The following DEPTOR variants were observed in gnomAD, a reference collection of about 807,000 sequenced individuals.
DEPTOR encodes DEP domain-containing mTOR-interacting protein.
Under a neutral mutation model 41.6 loss-of-function variants are expected in DEPTOR, and 41 were observed. The observed-to-expected ratio is 0.98, with a 90% confidence interval of 0.77 to 1.28. DEPTOR has a LOEUF of 1.28. Ranked by LOEUF, DEPTOR falls within the 50% of genes most tolerant of loss-of-function variation. The pLI is 0.00. For synonymous variants in DEPTOR, 195 were observed against 192.3 expected (o/e 1.01, Z -0.12); for missense variants, 514 against 527.9 (o/e 0.97, Z 0.26).
At chr8:119,945,810 G>A (rs948766619) in intron 3 of DEPTOR, among the ~76,000 whole-genome samples, 9 of 152,136 alleles carry the variant, frequency 5.9e-5, no homozygotes, top group Admixed American at 6.6e-5. Context: ...AAGGCACACG[G>A]GTCAGCGTTA....
At position 120,009,020 on chromosome 8, in the gene DEPTOR, C is replaced by G. The variant is rs751818546; in HGVS notation, c.997-9C>G. 3 of 1,613,784 alleles carry G rather than the reference C, an allele frequency of 1.9e-6. No individual in the cohort carries two copies. The highest frequency in any genetic ancestry group is 2.2e-5 in the South Asian group (2 of 90,932). The stretch of plus-strand genomic sequence containing the variant: ...TCGGCTGCTTGCTAATTGTGGTTTT[C>G]CTCTCTAGATTGTTGGTGACGCGGT... On this transcript the variant is annotated splice_polypyrimidine_tract_variant and intron_variant, in intron 7 of 8. Coordinates refer to ENST00000286234, the MANE Select transcript of DEPTOR (RefSeq NM_022783.4).
intron 1 of DEPTOR, among the ~76,000 whole-genome samples, chr8:119,907,860 A>G (rs1827684629): frequency 1.3e-5 from 2 of 152,218 alleles, no homozygotes; most frequent in Admixed American, 6.5e-5. Flanking sequence ...AATATGAAAT[A>G]TATTTAGTCC....
intron 4 of DEPTOR, among the ~76,000 whole-genome samples, chr8:119,987,154 T>A (rs1363788317): frequency 1.3e-5 from 2 of 152,178 alleles, no homozygotes; most frequent in Non-Finnish European, 2.9e-5. Context: ...TGGTTTTTCC[T>A]CATCTTTGTG....
chr8:119,901,912 C>A (rs1417643159), intron 1 of DEPTOR, among the ~76,000 whole-genome samples: 1 of 151,726 alleles, frequency 6.6e-6, no homozygotes, highest in South Asian at 2.1e-4. Context: ...TTATTTATTT[C>A]TTTTTTATCC....
At chr8:119,960,189 A>G (rs1220511711) in intron 3 of DEPTOR, among the ~76,000 whole-genome samples, 1 of 151,834 alleles carries the variant, frequency 6.6e-6, no homozygotes. Context: ...ATGCCACTGC[A>G]CTCCAGCCTG....
At chr8:120,044,272 T>A (rs867496799) in intron 8 of DEPTOR, among the ~76,000 whole-genome samples, 1 of 151,962 alleles carries the variant, frequency 6.6e-6, no homozygotes, top group Non-Finnish European at 1.5e-5. Context: ...ATTACAGGCA[T>A]GCACCACCAT....
chr8:119,906,471 T>C (rs1827665393), intron 1 of DEPTOR, among the ~76,000 whole-genome samples: 2 of 151,710 alleles, frequency 1.3e-5, no homozygotes, highest in South Asian at 4.2e-4. Context: ...AAAAAAAAAA[T>C]TAAAATCCTT....
At chr8:119,890,581 G>A (rs1313092640) in intron 1 of DEPTOR, among the ~76,000 whole-genome samples, 1 of 152,180 alleles carries the variant, frequency 6.6e-6, no homozygotes, top group Non-Finnish European at 1.5e-5. Flanking sequence ...AGGATTACAG[G>A]CATGAGCCAC....
At chr8:119,902,399 G>A (rs1827606459) in intron 1 of DEPTOR, among the ~76,000 whole-genome samples, 2 of 152,112 alleles carry the variant, frequency 1.3e-5, no homozygotes, top group African/African-American at 4.8e-5. Context: ...GAGTGCAGTG[G>A]CACGATCTCA....
In DEPTOR at chr8:120,002,664, G is replaced by A. The variant is rs1812367194; in HGVS notation, c.791-313G>A. Among the ~76,000 whole-genome samples, 4 of 149,702 alleles carry A rather than the reference G, an allele frequency of 2.7e-5. No individual in the cohort carries two copies. In the South Asian group the frequency reaches 8.5e-4, roughly 32 times the overall value. On this transcript the variant is annotated intron_variant, in intron 5 of 8. Coordinates refer to ENST00000286234, the MANE Select transcript of DEPTOR (RefSeq NM_022783.4). The stretch of plus-strand genomic sequence containing the variant: ...GTGGTGGCGGACACCTATGGTCCCA[G>A]CTACTCAGGAGGCTGAGGCAAGAGA...
At chr8:119,905,835 G>C (rs919432891) in intron 1 of DEPTOR, among the ~76,000 whole-genome samples, 4 of 152,034 alleles carry the variant, frequency 2.6e-5, no homozygotes, top group Non-Finnish European at 4.4e-5. Context: ...TGGAGATGGG[G>C]TTTCACCATG....
At chr8:119,912,209 A>T (rs146686465) in intron 1 of DEPTOR, among the ~76,000 whole-genome samples, 11 of 152,340 alleles carry the variant, frequency 7.2e-5, no homozygotes, top group Non-Finnish European at 1.2e-4. Flanking sequence ...GGGAAGAGGC[A>T]GAAAGGAAGG....
intron 7 of DEPTOR, among the ~76,000 whole-genome samples, chr8:120,007,353 G>A (rs950488984): frequency 3.9e-5 from 6 of 152,080 alleles, no homozygotes; most frequent in Admixed American, 1.3e-4. Flanking sequence ...CTAGAGAAAG[G>A]AAACTGTGGG....
chr8:119,910,586 G>A (rs1455532698), intron 1 of DEPTOR, among the ~76,000 whole-genome samples: 1 of 151,948 alleles, frequency 6.6e-6, no homozygotes, highest in South Asian at 2.1e-4. Context: ...CCTAGTAGCT[G>A]AGATTATAGG....
intron 4 of DEPTOR, among the ~76,000 whole-genome samples, chr8:119,988,956 T>TTA (rs1828864057): frequency 1.7e-5 from 2 of 117,270 alleles, no homozygotes; most frequent in Admixed American, 1.0e-4. Context: ...CCTTTTTTTT[T>TTA]TCTTTTTTTT....
chr8:119,994,248 G>A (rs1342968078), intron 4 of DEPTOR, among the ~76,000 whole-genome samples: 5 of 152,120 alleles, frequency 3.3e-5, no homozygotes, highest in East Asian at 3.9e-4. Flanking sequence ...CCCTGGAGGC[G>A]TAAGTTGCAG....
chr8:119,891,839 A>G (rs1827456392), intron 1 of DEPTOR, among the ~76,000 whole-genome samples: 1 of 152,240 alleles, frequency 6.6e-6, no homozygotes, highest in Admixed American at 6.5e-5. Flanking sequence ...AAGCAAAGCT[A>G]CTTGAGGAAT....
At chr8:119,983,184 G>T (rs1434991409) in intron 4 of DEPTOR, among the ~76,000 whole-genome samples, 1 of 152,162 alleles carries the variant, frequency 6.6e-6, no homozygotes, top group Non-Finnish European at 1.5e-5. Flanking sequence ...ATTTGGGGGT[G>T]CTGGATGAAG....
At chr8:119,991,348 C>T (rs1470831754) in intron 4 of DEPTOR, among the ~76,000 whole-genome samples, 1 of 152,010 alleles carries the variant, frequency 6.6e-6, no homozygotes, top group Non-Finnish European at 1.5e-5. Flanking sequence ...CAGTGTCTCG[C>T]TCTGTTTCCC....
Sources: allele counts gnomAD v4.1 joint callset (sites outside exome capture counted in the v4.1 genomes callset), GRCh38; gene constraint gnomAD v4.1.1; transcripts MANE v1.5; gene names NCBI Gene and HGNC (gene_info 2026-07-23, HGNC 2026-07-21).